The following PDE3A variants were observed in gnomAD, a reference collection of about 807,000 sequenced individuals.
The protein encoded by PDE3A is cGMP-inhibited 3',5'-cyclic phosphodiesterase 3A.
PDE3A carries 43 observed loss-of-function variants against 98.3 expected under a neutral mutation model. That is an observed-to-expected ratio of 0.44 (90% confidence interval 0.34 to 0.56). The LOEUF is 0.56. PDE3A is among the 20% of genes least tolerant of loss of function. The pLI is 0.01. For missense variants in PDE3A, 1,427 were observed against 1,440.7 expected (o/e 0.99, Z 0.15); for synonymous variants, 663 against 567.9 (o/e 1.17, Z -2.38).
At chr12:20,481,261 C>T (rs2121004646) in intron 1 of PDE3A, among the ~76,000 whole-genome samples, 1 of 152,246 alleles carries the variant, frequency 6.6e-6, no homozygotes, top group South Asian at 2.1e-4. Context: ...AATTACCTTT[C>T]TTCTAAAGGT....
At chr12:20,470,601 C>T (rs1288092112) in intron 1 of PDE3A, among the ~76,000 whole-genome samples, 1 of 152,096 alleles carries the variant, frequency 6.6e-6, no homozygotes, top group Admixed American at 6.6e-5. Flanking sequence ...TTAGGCAGGA[C>T]TAGGGAACAA....
intron 1 of PDE3A, among the ~76,000 whole-genome samples, chr12:20,524,953 G>T (rs1434679659): frequency 6.6e-6 from 1 of 152,088 alleles, no homozygotes; most frequent in Admixed American, 6.5e-5. Context: ...TGACCAACAC[G>T]GAGAAACCCC....
intron 1 of PDE3A, among the ~76,000 whole-genome samples, chr12:20,509,978 AT>A (rs1466234789): frequency 6.6e-6 from 1 of 151,998 alleles, no homozygotes; most frequent in African/African-American, 2.4e-5. Context: ...TCTCATTTAC[AT>A]TTTAAATATT....
intron 1 of PDE3A, among the ~76,000 whole-genome samples, chr12:20,482,941 G>C (rs763781750): frequency 1.4e-4 from 22 of 152,144 alleles, no homozygotes; most frequent in Non-Finnish European, 4.4e-5. Flanking sequence ...AGTACGATAT[G>C]ACGTAGGAAT....
intron 1 of PDE3A, among the ~76,000 whole-genome samples, chr12:20,546,187 A>G (rs183810060): frequency 6.6e-6 from 1 of 152,102 alleles, no homozygotes; most frequent in Non-Finnish European, 1.5e-5. Context: ...GTCTTTCTAG[A>G]TCCCAAATCC....
intron 1 of PDE3A, among the ~76,000 whole-genome samples, chr12:20,382,309 A>G (rs1010859869): frequency 6.6e-6 from 1 of 151,890 alleles, no homozygotes; most frequent in African/African-American, 2.4e-5. Flanking sequence ...GACTTTTGCA[A>G]TCCAATTCAA....
Position 20,613,455 on chromosome 12 carries a change from A to T in PDE3A, c.1024A>T (p.Ser342Cys). 6.2e-7 allele frequency: 1 copy of T among 1,614,130 alleles called. No individual in the cohort carries two copies. The highest frequency in any genetic ancestry group is 8.5e-7 in the Non-Finnish European group (1 of 1,179,968). Residue 342 changes from serine (S) to cysteine (C), a missense_variant, in exon 3 of 16, where the codon AGT becomes TGT. Ser to Cys is a moderately radical substitution (Grantham distance 112). Coordinates refer to ENST00000359062, the MANE Select transcript of PDE3A (RefSeq NM_000921.5). ...GTTTGTGTCTCAGTCTTCAGGAACC[A>T]GTATTACTGTGGACATCGCCGTCAT... ...GPRGSQSSGT[S>C]ITVDIAVMGE... is the part of the protein sequence containing the mutation.
intron 1 of PDE3A, among the ~76,000 whole-genome samples, chr12:20,396,341 T>C (rs190180103): frequency 1.1e-3 from 166 of 152,264 alleles, no homozygotes; most frequent in South Asian, 1.9e-3. Flanking sequence ...GCTGGTCATG[T>C]TGATGCCTTT....
chr12:20,628,458 C>G (rs2121502264), intron 5 of PDE3A, among the ~76,000 whole-genome samples: 1 of 152,242 alleles, frequency 6.6e-6, no homozygotes, highest in African/African-American at 2.4e-5. Context: ...TTACTTCCCC[C>G]TTGGATAGTC....
chr12:20,554,287 T>C (rs1182001761), intron 1 of PDE3A, among the ~76,000 whole-genome samples: 38 of 151,540 alleles, frequency 2.5e-4, no homozygotes, highest in Admixed American at 2.5e-3. Flanking sequence ...TGAGACAATT[T>C]TGTGTAGGCT....
intron 1 of PDE3A, among the ~76,000 whole-genome samples, chr12:20,457,422 A>G (rs978312978): frequency 2.6e-5 from 4 of 151,878 alleles, no homozygotes; most frequent in African/African-American, 9.7e-5. Flanking sequence ...CAAGGCGTAT[A>G]TGAAATAAAA....
chr12:20,563,488 C>T (rs529199522), intron 2 of PDE3A, among the ~76,000 whole-genome samples: 59 of 152,148 alleles, frequency 3.9e-4, no homozygotes, highest in Non-Finnish European at 7.5e-4. Flanking sequence ...AATTTATGCC[C>T]TAGAGCTAGC....
intron 1 of PDE3A, among the ~76,000 whole-genome samples, chr12:20,414,902 C>A (rs1944396932): frequency 6.6e-6 from 1 of 151,876 alleles, no homozygotes; most frequent in East Asian, 1.9e-4. Flanking sequence ...TAAATATAAA[C>A]CACTATTAGA....
chr12:20,461,365 C>T (rs917388874), intron 1 of PDE3A, among the ~76,000 whole-genome samples: 6 of 151,510 alleles, frequency 4.0e-5, no homozygotes, highest in African/African-American at 1.5e-4. Context: ...TAAGTAGTGA[C>T]ATAAAGTTTT....
intron 1 of PDE3A, among the ~76,000 whole-genome samples, chr12:20,475,574 A>G (rs994192615): frequency 2.6e-5 from 4 of 152,026 alleles, no homozygotes; most frequent in Non-Finnish European, 5.9e-5. Context: ...ACCAAAAAAT[A>G]CAAAAATTAG....
chr12:20,629,218 C>A (rs1375124645), intron 5 of PDE3A, among the ~76,000 whole-genome samples: 1 of 152,136 alleles, frequency 6.6e-6, no homozygotes, highest in Admixed American at 6.5e-5. Context: ...AAAATTCTTA[C>A]AATCTAGAGT....
chr12:20,369,269 G>C lies in PDE3A; in HGVS notation c.-16G>C. ...GGGGGGCCACTGGGAATTCAGTGAA[G>C]AGGGCACCCTATACCATGGCAGTGC... On this transcript the variant is annotated 5_prime_UTR_variant, in exon 1 of 16. Coordinates refer to ENST00000359062, the MANE Select transcript of PDE3A (RefSeq NM_000921.5). 1.4e-6 allele frequency: 2 copies of C among 1,474,270 alleles called. No individual in the cohort carries two copies. Among genetic ancestry groups the C allele is most frequent in the Non-Finnish European group, 1.8e-6 (2 of 1,107,524 alleles). The allele number at this position is 1,474,270 out of a possible 1,614,324, so 91.3% of individuals were successfully genotyped here.
intron 1 of PDE3A, among the ~76,000 whole-genome samples, chr12:20,483,901 C>CT (rs1945675826): frequency 6.6e-6 from 1 of 152,136 alleles, no homozygotes; most frequent in Non-Finnish European, 1.5e-5. Flanking sequence ...ATGTATAATG[C>CT]TTTTAACTTT....
chr12:20,419,037 T>C (rs1030893176), intron 1 of PDE3A, among the ~76,000 whole-genome samples: 1 of 152,158 alleles, frequency 6.6e-6, no homozygotes, highest in Admixed American at 6.5e-5. Flanking sequence ...CACTTCTGAT[T>C]ACTGTTTTCA....
Sources: gnomAD v4.1 joint callset for allele counts (sites outside exome capture counted in the v4.1 genomes callset) on GRCh38, gnomAD v4.1.1 for gene constraint, MANE v1.5 for transcripts, NCBI Gene and HGNC (gene_info 2026-07-23, HGNC 2026-07-21) for gene names.